Variants in OPRM1 observed in about 807,000 individuals in gnomAD.
The protein encoded by OPRM1 is mu-type opioid receptor.
OPRM1 carries 27 observed loss-of-function variants against 31.8 expected under a neutral mutation model. The observed-to-expected ratio is 0.85, with a 90% confidence interval of 0.63 to 1.17. The LOEUF (loss-of-function observed/expected upper bound fraction) is 1.17. Ranked by LOEUF, OPRM1 falls within the 50% of genes most tolerant of loss-of-function variation. The probability of loss-of-function intolerance (pLI) is 0.00; values close to 1 mark genes in which losing one functional copy is unlikely to be tolerated. For synonymous variants in OPRM1, 196 were observed against 189.9 expected (o/e 1.03, Z -0.26); for missense variants, 536 against 511.1 (o/e 1.05, Z -0.47).
At chr6:154,059,713 TGTGACATACA>T (rs1326262582) in intron 1 of OPRM1, among the ~76,000 whole-genome samples, 1 of 152,246 alleles carries the variant, frequency 6.6e-6, no homozygotes, top group African/African-American at 2.4e-5. Flanking sequence ...CAAATACTCA[TGTGACATACA>T]GTAGCTGAAA....
At chr6:154,019,634 T>G (rs1778229007) in intron 1 of OPRM1, among the ~76,000 whole-genome samples, 1 of 152,176 alleles carries the variant, frequency 6.6e-6, no homozygotes, top group Admixed American at 6.5e-5. Context: ...TGTCATATGG[T>G]TGAAGTCACA....
intron 3 of OPRM1, among the ~76,000 whole-genome samples, chr6:154,213,559 A>G (rs1583815153): frequency 6.6e-6 from 1 of 152,180 alleles, no homozygotes; most frequent in Non-Finnish European, 1.5e-5. Flanking sequence ...CTAAGATTTT[A>G]TGATTTTGTT....
chr6:154,054,098 G>A (rs752820194), intron 1 of OPRM1, among the ~76,000 whole-genome samples: 5 of 152,028 alleles, frequency 3.3e-5, no homozygotes, highest in African/African-American at 4.8e-5. Flanking sequence ...CACCGGTCTC[G>A]GTGGCTCACG....
chr6:154,201,660 C>T (rs1259071988), intron 3 of OPRM1, among the ~76,000 whole-genome samples: 1 of 151,962 alleles, frequency 6.6e-6, no homozygotes, highest in Non-Finnish European at 1.5e-5. Flanking sequence ...TTTGGGAGGC[C>T]GAGGTGGGCA....
intron 3 of OPRM1, among the ~76,000 whole-genome samples, chr6:154,137,863 G>C (rs1248422140): frequency 1.3e-5 from 2 of 152,168 alleles, no homozygotes; most frequent in Non-Finnish European, 2.9e-5. Context: ...AGACACAGAA[G>C]AATAAATAAC....
chr6:154,189,211 C>T (rs536362503), intron 3 of OPRM1, among the ~76,000 whole-genome samples: 7 of 152,256 alleles, frequency 4.6e-5, no homozygotes, highest in Non-Finnish European at 1.0e-4. Context: ...TTACCACCTG[C>T]CAATTTTGCA....
At chr6:154,066,691 C>A (rs1014366556) in intron 1 of OPRM1, among the ~76,000 whole-genome samples, 1 of 151,332 alleles carries the variant, frequency 6.6e-6, no homozygotes, top group Non-Finnish European at 1.5e-5. Context: ...AGAGAGAGAT[C>A]TCCTTTAAGC....
rs1284256291 is a variant in OPRM1, at chr6:154,123,770, G to A, written c.*5049G>A. On this transcript the variant is annotated 3_prime_UTR_variant, in exon 4 of 4. Transcript: ENST00000330432. ...TTTGTAAACTGTCGTGGTACTGGTG[G>A]GAATGTTTTTTAGCATGCTAATGCA... 1.3e-5 allele frequency among the ~76,000 whole-genome samples: 2 copies of A among 152,148 alleles called. No individual in the cohort carries two copies. The highest frequency in any genetic ancestry group is 4.8e-5 in the African/African-American group (2 of 41,430).
chr6:154,096,798 T>G (rs1325665599), intron 3 of OPRM1, among the ~76,000 whole-genome samples: 1 of 152,202 alleles, frequency 6.6e-6, no homozygotes, highest in Non-Finnish European at 1.5e-5. Flanking sequence ...AATGCTACTT[T>G]GCACTCAATT....
chr6:154,184,474 AC>A (rs145300811), intron 3 of OPRM1, among the ~76,000 whole-genome samples: 52,533 of 151,796 alleles, frequency 0.35, 9,448 homozygotes, highest in Middle Eastern at 0.47. Flanking sequence ...GATATCTGTC[AC>A]CTAATTCTAT....
intron 3 of OPRM1, among the ~76,000 whole-genome samples, chr6:154,199,267 C>A (rs1171915871): frequency 1.3e-5 from 2 of 152,228 alleles, no homozygotes; most frequent in Non-Finnish European, 2.9e-5. Context: ...GAGAAAGTGG[C>A]TGATCTAAGC....
At chr6:154,183,392 G>A (rs550126579) in intron 3 of OPRM1, among the ~76,000 whole-genome samples, 3 of 152,292 alleles carry the variant, frequency 2.0e-5, no homozygotes, top group East Asian at 3.9e-4. Context: ...CATATTCATG[G>A]ATGACTTAAT....
chr6:154,172,210 C>T (rs1429875531), intron 3 of OPRM1, among the ~76,000 whole-genome samples: 1 of 152,196 alleles, frequency 6.6e-6, no homozygotes, highest in Non-Finnish European at 1.5e-5. Context: ...GTCTACAACT[C>T]CCAGTGAAAT....
At position 154,126,837 on chromosome 6, in the gene OPRM1, C is replaced by T. The variant is rs2003185; in HGVS notation, c.*8116C>T. Among the ~76,000 whole-genome samples the T allele has an allele frequency of 0.51, 77,771 of 151,976 alleles. 20,391 individuals are homozygous for T. The highest frequency in any genetic ancestry group is 0.8 in the East Asian group (4,100 of 5,154). ...CCCAAATAAAAAAGTGCCTGCTGGG[C>T]GCGGTGGCTCACGCCTGTAATTCCA... On this transcript the variant is annotated 3_prime_UTR_variant, in exon 4 of 4. Transcript: ENST00000330432.
In OPRM1 at chr6:154,130,727, A is replaced by C. The variant is rs1797849387; in HGVS notation, c.*12006A>C. ...GCCATTCCATAAAAATATATCTACCAATATAAATAGAATATATAAAGGGAA... is the reference window on the plus strand; with the variant it reads ...GCCATTCCATAAAAATATATCTACCCATATAAATAGAATATATAAAGGGAA... On this transcript the variant is annotated 3_prime_UTR_variant, in exon 4 of 4. Transcript: ENST00000330432. Among the ~76,000 whole-genome samples the C allele has an allele frequency of 6.6e-6, 1 of 151,944 alleles. No homozygotes were observed. The highest frequency in any genetic ancestry group is 1.5e-5 in the Non-Finnish European group (1 of 67,970).
At chr6:154,147,078 T>G (rs1027971427) in intron 3 of OPRM1, among the ~76,000 whole-genome samples, 2 of 151,448 alleles carry the variant, frequency 1.3e-5, no homozygotes, top group African/African-American at 2.4e-5. Context: ...GAGGGAGAGG[T>G]GGGGAAGGGG....
chr6:154,116,037 G>A (rs191461102), intron 3 of OPRM1, among the ~76,000 whole-genome samples: 87 of 152,222 alleles, frequency 5.7e-4, no homozygotes, highest in Non-Finnish European at 9.7e-4. Context: ...TTAGGGAGTG[G>A]TGTCTTTATC....
intron 1 of OPRM1, among the ~76,000 whole-genome samples, chr6:154,045,770 C>T (rs1447607434): frequency 6.6e-6 from 1 of 152,200 alleles, no homozygotes; most frequent in East Asian, 1.9e-4. Flanking sequence ...CCATAGGAAT[C>T]AGCCTGGCAC....
At chr6:154,196,598 A>C (rs1776641636) in intron 3 of OPRM1, among the ~76,000 whole-genome samples, 1 of 152,214 alleles carries the variant, frequency 6.6e-6, no homozygotes, top group Non-Finnish European at 1.5e-5. Context: ...CCACATTGTC[A>C]GCAGGTAGTG....
Sources: allele counts gnomAD v4.1 joint callset (sites outside exome capture counted in the v4.1 genomes callset), GRCh38; gene constraint gnomAD v4.1.1; transcripts MANE v1.5; gene names NCBI Gene and HGNC (gene_info 2026-07-23, HGNC 2026-07-21).